The following SLC38A9 variants were observed in gnomAD, a reference collection of about 807,000 sequenced individuals.
SLC38A9 encodes the protein solute carrier family 38 member 9, also known as neutral amino acid transporter 9.
Under a neutral mutation model 62.3 loss-of-function variants are expected in SLC38A9, and 48 were observed. The observed-to-expected ratio is 0.77, with a 90% confidence interval of 0.61 to 0.98. The LOEUF (loss-of-function observed/expected upper bound fraction) is 0.98, where lower values mean the gene tolerates loss of function less well. Among genes scored for constraint, SLC38A9 ranks in the 50% least tolerant of loss-of-function variants. The pLI, the probability that SLC38A9 is intolerant of heterozygous loss-of-function variation, is 0.00. For missense variants in SLC38A9, 541 were observed against 679.8 expected, an observed-to-expected ratio of 0.80 and a Z score of 2.27; for synonymous variants, 204 against 227.7, an observed-to-expected ratio of 0.90 and a Z score of 0.94.
intron 15 of SLC38A9, among the ~76,000 whole-genome samples, chr5:55,626,902 C>T (rs903293667): frequency 1.3e-5 from 2 of 152,132 alleles, no homozygotes; most frequent in African/African-American, 4.8e-5. Flanking sequence ...TTATTCATCC[C>T]TCAAATCTCT....
intron 2 of SLC38A9, among the ~76,000 whole-genome samples, chr5:55,706,125 T>C (rs1757262721): frequency 6.6e-6 from 1 of 152,212 alleles, no homozygotes. Flanking sequence ...CTAGTTTAGG[T>C]AAATTTCTTT....
intron 12 of SLC38A9, among the ~76,000 whole-genome samples, chr5:55,642,671 T>C (rs1483158742): frequency 2.0e-5 from 3 of 152,180 alleles, no homozygotes; most frequent in Non-Finnish European, 2.9e-5. Context: ...CCAGCCTCTA[T>C]TGTATGTTAG....
chr5:55,665,560 GAAAAA>G (rs982708973), intron 7 of SLC38A9, among the ~76,000 whole-genome samples: 1 of 146,608 alleles, frequency 6.8e-6, no homozygotes. Flanking sequence ...AAAAAAAAAA[GAAAAA>G]AAACAAAAGA....
At chr5:55,688,650 G>T (rs1337237049) in intron 3 of SLC38A9, among the ~76,000 whole-genome samples, 1 of 152,088 alleles carries the variant, frequency 6.6e-6, no homozygotes, top group Non-Finnish European at 1.5e-5. Flanking sequence ...AAAGTGCTGG[G>T]ATTACAGGGG....
At chr5:55,663,181 C>T (rs1224431500) in intron 8 of SLC38A9, among the ~76,000 whole-genome samples, 2 of 151,404 alleles carry the variant, frequency 1.3e-5, no homozygotes, top group Non-Finnish European at 2.9e-5. Flanking sequence ...AGGCGTGGGC[C>T]ACCGTGCCTG....
At chr5:55,636,870 A>G (rs1198392586) in intron 12 of SLC38A9, among the ~76,000 whole-genome samples, 3 of 152,304 alleles carry the variant, frequency 2.0e-5, no homozygotes, top group Non-Finnish European at 1.5e-5. Context: ...AAATGCGTCT[A>G]ATTGCTTAGG....
At chr5:55,663,899 G>A (rs757702476) in intron 8 of SLC38A9, among the ~76,000 whole-genome samples, 2 of 152,140 alleles carry the variant, frequency 1.3e-5, no homozygotes, top group Non-Finnish European at 2.9e-5. Context: ...TGGTTTTCAC[G>A]TAAATCCAGA....
At chr5:55,675,123 T>A (rs2150377293) in intron 3 of SLC38A9, 1 of 152,368 alleles carries the variant, frequency 6.6e-6, no homozygotes, top group African/African-American at 2.4e-5. Flanking sequence ...GCTAGCCTTT[T>A]ACTTTAAAAA....
intron 8 of SLC38A9, among the ~76,000 whole-genome samples, chr5:55,660,447 T>C (rs1347986038): frequency 6.6e-6 from 1 of 150,796 alleles, no homozygotes; most frequent in African/African-American, 2.4e-5. Context: ...TTAGGTTCTT[T>C]TATAACAGCA....
intron 4 of SLC38A9, among the ~76,000 whole-genome samples, chr5:55,670,198 CATG>C (rs199762286): frequency 0.6 from 90,797 of 151,710 alleles, 27,748 homozygotes; most frequent in South Asian, 0.7. Flanking sequence ...ATCTCCTGAC[CATG>C]TCATGATCCA....
intron 4 of SLC38A9, among the ~76,000 whole-genome samples, chr5:55,671,994 C>T (rs534685592): frequency 1.1e-3 from 166 of 152,076 alleles, no homozygotes; most frequent in African/African-American, 3.7e-3. Context: ...ACTATAGGTG[C>T]GAGCCATCAT....
chr5:55,640,599 T>C (rs919280855), intron 12 of SLC38A9, among the ~76,000 whole-genome samples: 1 of 152,142 alleles, frequency 6.6e-6, no homozygotes, highest in Non-Finnish European at 1.5e-5. Context: ...GGTGTGACTT[T>C]CCAGAAAAGC....
chr5:55,653,053 G>A (rs1349824531), intron 9 of SLC38A9, among the ~76,000 whole-genome samples: 2 of 151,972 alleles, frequency 1.3e-5, no homozygotes, highest in East Asian at 1.9e-4. Context: ...TGCAACCTCC[G>A]CCTCCTGGAT....
At chr5:55,697,654 G>GAAA (rs3042033) in intron 3 of SLC38A9, among the ~76,000 whole-genome samples, 192 bp downstream of exon 3, 98 of 131,296 alleles carry the variant, frequency 7.5e-4, no homozygotes, top group African/African-American at 2.2e-3. Flanking sequence ...TGAGTTTAGT[G>GAAA]AAAAAAAAAA....
chr5:55,679,125 TTA>T (rs1472066613), intron 3 of SLC38A9, among the ~76,000 whole-genome samples: 1 of 123,226 alleles, frequency 8.1e-6, no homozygotes, highest in Non-Finnish European at 1.8e-5. Context: ...AAAATTTCTA[TTA>T]TGTTTTATAG....
chr5:55,652,551 A>C lies in SLC38A9; in HGVS notation c.930T>G (p.Phe310Leu), dbSNP rs866488101. 6.2e-7 allele frequency: 1 copy of C among 1,602,592 alleles called. No homozygotes were observed. The highest frequency in any genetic ancestry group is 1.7e-5 in the Admixed American group (1 of 57,676). ...LPLLNFKSPS[F>L]FSKFNILGTV... The stretch of plus-strand genomic sequence containing the variant: ...TACCTAGGATATTAAATTTTGAAAA[A>C]AATGAAGGAGACTTGAAATTGAGCA... The change falls in exon 10 of 16, where the codon TTT becomes TTG. Residue 310 changes from phenylalanine to leucine, a missense_variant. Phe to Leu is a conservative substitution (Grantham distance 22). Coordinates refer to ENST00000396865, the MANE Select transcript of SLC38A9 (RefSeq NM_173514.4).
At chr5:55,665,041 T>C in intron 7 of SLC38A9, 178 bp from the exon 8 acceptor site, 1 of 350,584 alleles carries the variant, frequency 2.9e-6, no homozygotes. Context: ...ATAAAAGAAA[T>C]GTAGATAAAA....
chr5:55,637,570 C>G (rs1227818544), intron 12 of SLC38A9, among the ~76,000 whole-genome samples: 1 of 152,194 alleles, frequency 6.6e-6, no homozygotes, highest in Admixed American at 6.5e-5. Flanking sequence ...CCACAAGACT[C>G]TGGGATTCTG....
At chr5:55,685,061 C>T (rs773349485) in intron 3 of SLC38A9, among the ~76,000 whole-genome samples, 23 of 152,274 alleles carry the variant, frequency 1.5e-4, no homozygotes, top group South Asian at 6.2e-4. Context: ...ATTTAGACCT[C>T]GGTATTCTAC....
Sources: allele counts gnomAD v4.1 joint callset (sites outside exome capture counted in the v4.1 genomes callset), GRCh38; gene constraint gnomAD v4.1.1; transcripts MANE v1.5; gene names NCBI Gene and HGNC (gene_info 2026-07-23, HGNC 2026-07-21).